The following CEP126 variants were observed in gnomAD, a reference collection of about 807,000 sequenced individuals.
CEP126 encodes the protein centrosomal protein 126.
A neutral mutation model predicts 107.8 loss-of-function variants in CEP126; 74 were observed. That is an observed-to-expected ratio of 0.69 (90% confidence interval 0.57 to 0.83). The LOEUF is 0.83. CEP126 is among the 40% of genes least tolerant of loss of function. The pLI is 0.00. For synonymous variants in CEP126, 449 were observed against 446.0 expected (o/e 1.01, Z -0.08); for missense variants, 1,237 against 1,281.9 (o/e 0.96, Z 0.53).
chr11:101,961,129 G>A (rs879389492), intron 5 of CEP126, among the ~76,000 whole-genome samples: 1 of 151,890 alleles, frequency 6.6e-6, no homozygotes. Context: ...AAATTACCTG[G>A]GGAATTTAAA....
At chr11:101,940,499 C>G (rs999533463) in intron 2 of CEP126, among the ~76,000 whole-genome samples, 8 of 152,194 alleles carry the variant, frequency 5.3e-5, no homozygotes, top group Admixed American at 5.2e-4. Flanking sequence ...ACAAACCACC[C>G]TAAAATTTAG....
At chr11:101,978,997 T>C (rs1044293579) in intron 7 of CEP126, among the ~76,000 whole-genome samples, 1 of 152,006 alleles carries the variant, frequency 6.6e-6, no homozygotes, top group African/African-American at 2.4e-5. Context: ...CCAGGGGTGG[T>C]GGCAGGTGCC....
intron 2 of CEP126, among the ~76,000 whole-genome samples, chr11:101,932,652 T>C (rs528484388): frequency 8.5e-5 from 13 of 152,136 alleles, no homozygotes; most frequent in Non-Finnish European, 1.3e-4. Context: ...TAGAGCACTT[T>C]TTTTCCCCAT....
At position 101,961,801 on chromosome 11, in the gene CEP126, C is replaced by G; in HGVS notation, c.766C>G (p.Leu256Val). 1 of 1,604,186 alleles carries G rather than the reference C, an allele frequency of 6.2e-7. No individual in the cohort carries two copies. Among genetic ancestry groups the G allele is most frequent in the South Asian group, 1.1e-5 (1 of 88,428 alleles). The change falls in exon 6 of 11, where the codon CTT (leucine) becomes GTT (valine). Residue 256 changes from leucine (L) to valine (V), a missense_variant. Physicochemically the swap from Leu to Val is conservative, Grantham distance 32 (BLOSUM62 1). Coordinates refer to ENST00000263468, the MANE Select transcript of CEP126 (RefSeq NM_020802.4). ...NSETLSSIDS[L>V]EATEHEEIYL... ...TGAAACCCTCTCAAGTATAGACAGT[C>G]TTGAGGCTACAGAGCATGAAGAAAT...
chr11:101,987,893 AT>A (rs1941333983), intron 9 of CEP126, among the ~76,000 whole-genome samples: 1 of 152,198 alleles, frequency 6.6e-6, no homozygotes, highest in Non-Finnish European at 1.5e-5. Context: ...ACATTTATGT[AT>A]CTTCTGCACC....
intron 4 of CEP126, among the ~76,000 whole-genome samples, chr11:101,952,572 C>T (rs1407304989): frequency 1.3e-5 from 2 of 152,072 alleles, no homozygotes; most frequent in Non-Finnish European, 2.9e-5. Flanking sequence ...GTGGTAAAAC[C>T]ATTTATCAAA....
At chr11:101,985,969 G>T (rs1044338633) in intron 8 of CEP126, among the ~76,000 whole-genome samples, 1 of 150,790 alleles carries the variant, frequency 6.6e-6, no homozygotes, top group Admixed American at 6.6e-5. Context: ...CAAACAGTGG[G>T]AAGTAAAACT....
At chr11:101,997,526 C>T in intron 10 of CEP126, 73 bp from the exon 11 acceptor site, 2 of 1,609,326 alleles carry the variant, frequency 1.2e-6, no homozygotes, top group Non-Finnish European at 1.7e-6. Context: ...CACTATTTGA[C>T]ATGTCAGCCT....
rs115580543 is a variant in CEP126, at chr11:101,961,195, A to T, written c.706-546A>T. 2.8e-3 allele frequency among the ~76,000 whole-genome samples: 427 copies of T among 152,166 alleles called. 3 individuals carry two copies. Among genetic ancestry groups the T allele is most frequent in the African/African-American group, 1.0e-2 (415 of 41,568 alleles). On this transcript the variant is annotated intron_variant, in intron 5 of 10. Transcript: ENST00000263468. ...TTAAATCAGCAGGACCCAGGTATAG[A>T]TATTTTACACAGTTCTTTATGTGAT...
intron 8 of CEP126, among the ~76,000 whole-genome samples, chr11:101,983,086 A>C (rs988132179): frequency 6.6e-6 from 1 of 152,190 alleles, no homozygotes; most frequent in Admixed American, 6.5e-5. Flanking sequence ...CAAGACCTAC[A>C]TGCATTACTC....
At chr11:101,975,019 T>G (rs141048330) in intron 6 of CEP126, among the ~76,000 whole-genome samples, 115 of 152,320 alleles carry the variant, frequency 7.5e-4, no homozygotes, top group African/African-American at 2.5e-3. Context: ...GAAATTTTTA[T>G]GCAAGGTGTT....
chr11:101,979,859 T>G (rs1467539564), intron 7 of CEP126, among the ~76,000 whole-genome samples: 2 of 152,186 alleles, frequency 1.3e-5, no homozygotes, highest in African/African-American at 2.4e-5. Flanking sequence ...AGGATTGACT[T>G]TAGAATATTA....
chr11:101,934,679 GT>G (rs1940550027), intron 2 of CEP126, among the ~76,000 whole-genome samples: 3 of 151,970 alleles, frequency 2.0e-5, no homozygotes, highest in African/African-American at 7.2e-5. Context: ...AATTTTTCAT[GT>G]TGAGATTCAT....
chr11:101,956,091 CT>C (rs1252555737), intron 4 of CEP126: 1 of 456,620 alleles, frequency 2.2e-6, no homozygotes, highest in Non-Finnish European at 4.4e-6. Context: ...CCAATTCCTT[CT>C]TGCCCACCTG....
rs181725142 is a variant in CEP126, at chr11:101,977,681, G to A, written c.2846-666G>A. 2.7e-5 allele frequency among the ~76,000 whole-genome samples: 4 copies of A among 148,906 alleles called. No homozygotes were observed. The East Asian group carries it at 7.8e-4, about 29-fold the overall frequency. Reference sequence around the variant, plus strand: ...GAAAAATAATATAATAAACATTCATGTAACTACAACTCACCTTAAATAATA... The same window carrying A: ...GAAAAATAATATAATAAACATTCATATAACTACAACTCACCTTAAATAATA... On this transcript the variant is annotated intron_variant, in intron 6 of 10. Transcript: ENST00000263468.
At chr11:101,953,516 T>C (rs186694015) in intron 4 of CEP126, among the ~76,000 whole-genome samples, 1 of 152,076 alleles carries the variant, frequency 6.6e-6, no homozygotes, top group African/African-American at 2.4e-5. Context: ...AACTCAAAAA[T>C]TTTAGCATAT....
chr11:101,961,841 A>C lies in CEP126; in HGVS notation c.806A>C (p.Asn269Thr). 1 of 1,610,954 alleles carries C rather than the reference A, an allele frequency of 6.2e-7. No individual in the cohort carries two copies. Among genetic ancestry groups the C allele is most frequent in the Middle Eastern group, 1.7e-4 (1 of 6,048 alleles). Residue 269 changes from asparagine (N) to threonine (T), a missense_variant, in exon 6 of 11, where the codon AAT becomes ACT. This residue lies in a region of CEP126 where 1,134 missense variants were observed against 1,150.5 expected (regional missense o/e 0.99). Coordinates refer to ENST00000263468, the MANE Select transcript of CEP126 (RefSeq NM_020802.4). ...TEHEEIYLTL[N>T]KEHSTSIQRN... The stretch of plus-strand genomic sequence containing the variant: ...CATGAAGAAATATATTTAACACTTA[A>C]TAAGGAGCATTCCACATCCATCCAG...
chr11:101,993,069 G>A (rs1338511981), intron 10 of CEP126, among the ~76,000 whole-genome samples: 21 of 152,038 alleles, frequency 1.4e-4, no homozygotes, highest in Admixed American at 1.3e-3. Flanking sequence ...TTTTTTTAAC[G>A]TTTAGGTTCA....
chr11:101,948,198 G>C (rs1216161889), intron 4 of CEP126, 56 bp downstream of exon 4: 3 of 1,062,746 alleles, frequency 2.8e-6, no homozygotes, highest in Non-Finnish European at 4.2e-6. Flanking sequence ...TAACCATCTA[G>C]TTACTGTGCT....
Sources: gnomAD v4.1 joint callset for allele counts (sites outside exome capture counted in the v4.1 genomes callset) on GRCh38, gnomAD v4.1.1 for gene constraint, gnomAD v4.1.1 regional missense constraint, MANE v1.5 for transcripts, NCBI Gene and HGNC (gene_info 2026-07-23, HGNC 2026-07-21) for gene names.